GRIK2: variants seen among roughly 807,000 people sequenced by gnomAD.
The protein encoded by GRIK2 is glutamate ionotropic receptor kainate type subunit 2.
Under a neutral mutation model 100.3 loss-of-function variants are expected in GRIK2, and 32 were observed. That is an observed-to-expected ratio of 0.32 (90% CI 0.24 to 0.43). The LOEUF is 0.43. GRIK2 is among the 20% of genes least tolerant of loss of function. GRIK2 has a pLI of 1.00. For synonymous variants in GRIK2, 417 were observed against 389.4 expected, an observed-to-expected ratio of 1.07 and a Z score of -0.83; for missense variants, 843 against 1,114.9, an observed-to-expected ratio of 0.76 and a Z score of 3.47.
At chr6:101,675,273 G>A (rs141878334) in intron 4 of GRIK2, among the ~76,000 whole-genome samples, 50 of 145,426 alleles carry the variant, frequency 3.4e-4, no homozygotes, top group Middle Eastern at 3.4e-3. Flanking sequence ...GTACATGTAC[G>A]CACACGCGCA....
intron 10 of GRIK2, among the ~76,000 whole-genome samples, chr6:101,841,367 T>G (rs1783487689): frequency 7.5e-6 from 1 of 133,318 alleles, no homozygotes; most frequent in South Asian, 2.3e-4. Flanking sequence ...TATCTCAGAA[T>G]GATTTTTTTT....
chr6:102,064,462 C>T (rs1483642050), intron 16 of GRIK2, among the ~76,000 whole-genome samples: 2 of 148,100 alleles, frequency 1.4e-5, no homozygotes, highest in Admixed American at 1.4e-4. Context: ...CTCTCTTTCC[C>T]TCTCTCTCTT....
At chr6:101,582,559 T>C (rs912880817) in intron 2 of GRIK2, among the ~76,000 whole-genome samples, 1 of 152,150 alleles carries the variant, frequency 6.6e-6, no homozygotes, top group African/African-American at 2.4e-5. Flanking sequence ...CTTTTCTTTA[T>C]AAATTATGCA....
intron 10 of GRIK2, among the ~76,000 whole-genome samples, chr6:101,848,117 G>A (rs1402400730): frequency 6.6e-6 from 1 of 152,072 alleles, no homozygotes; most frequent in Non-Finnish European, 1.5e-5. Context: ...TGTATGACCT[G>A]CATCAGGAAT....
chr6:101,606,175 C>T (rs1779429870), intron 2 of GRIK2, among the ~76,000 whole-genome samples: 2 of 151,970 alleles, frequency 1.3e-5, no homozygotes, highest in African/African-American at 4.8e-5. Flanking sequence ...GTACATGACT[C>T]AAACTGGGCT....
chr6:101,463,125 G>A (rs999873170), intron 2 of GRIK2, among the ~76,000 whole-genome samples: 1 of 151,926 alleles, frequency 6.6e-6, no homozygotes, highest in Non-Finnish European at 1.5e-5. Flanking sequence ...GAATTAAGTG[G>A]AGCAATATGA....
intron 14 of GRIK2, among the ~76,000 whole-genome samples, chr6:101,994,408 C>G (rs1456031561): frequency 1.3e-5 from 2 of 151,626 alleles, no homozygotes; most frequent in Non-Finnish European, 3.0e-5. Flanking sequence ...GGTTTTCAAG[C>G]AATAATAGTG....
intron 16 of GRIK2, among the ~76,000 whole-genome samples, chr6:102,059,672 AC>A (rs1258050644): frequency 6.6e-6 from 1 of 150,890 alleles, no homozygotes; most frequent in Admixed American, 6.6e-5. Flanking sequence ...ATTTTTATAA[AC>A]TTTTTATAAC....
chr6:102,062,958 T>C (rs562938258), intron 16 of GRIK2, among the ~76,000 whole-genome samples: 40 of 150,806 alleles, frequency 2.7e-4, no homozygotes, highest in Non-Finnish European at 4.5e-4. Context: ...TCACAGTGAC[T>C]GTTTTGATTT....
chr6:101,519,644 C>G (rs1320860131), intron 2 of GRIK2, among the ~76,000 whole-genome samples: 2 of 151,538 alleles, frequency 1.3e-5, no homozygotes, highest in African/African-American at 4.8e-5. Flanking sequence ...TTTTTTTTCC[C>G]CATTGTACTG....
intron 7 of GRIK2, among the ~76,000 whole-genome samples, chr6:101,697,471 A>T (rs1402490186): frequency 8.3e-6 from 1 of 120,982 alleles, no homozygotes; most frequent in Non-Finnish European, 1.9e-5. Flanking sequence ...AATTACAATG[A>T]TTTAAAATGT....
At chr6:101,963,321 G>T (rs1792430614) in intron 14 of GRIK2, among the ~76,000 whole-genome samples, 2 of 48,092 alleles carry the variant, frequency 4.2e-5, no homozygotes, top group Non-Finnish European at 7.5e-5. Context: ...TTTTTGAGAT[G>T]GAGTCTAGCT....
chr6:101,548,870 C>T (rs199913703), intron 2 of GRIK2, among the ~76,000 whole-genome samples: 2 of 152,244 alleles, frequency 1.3e-5, no homozygotes, highest in East Asian at 3.9e-4. Flanking sequence ...GAAGTATATT[C>T]TCTCCTCATG....
intron 15 of GRIK2, among the ~76,000 whole-genome samples, chr6:102,039,930 T>G (rs1269780897): frequency 2.0e-5 from 3 of 151,580 alleles, no homozygotes; most frequent in African/African-American, 7.2e-5. Context: ...AAGCATTGTA[T>G]GTGGCAGCTG....
chr6:101,561,165 G>T (rs1432269775), intron 2 of GRIK2, among the ~76,000 whole-genome samples: 1 of 152,142 alleles, frequency 6.6e-6, no homozygotes, highest in Non-Finnish European at 1.5e-5. Context: ...CTATGTGTTT[G>T]ATGTTTGAGA....
intron 12 of GRIK2, among the ~76,000 whole-genome samples, chr6:101,923,925 C>CA (rs768844963): frequency 0.11 from 6,680 of 58,682 alleles, 308 homozygotes; most frequent in African/African-American, 0.2. Flanking sequence ...ATTCTGTCTC[C>CA]AAAAAAAAAA....
chr6:101,895,736 C>A (rs1469393277), intron 12 of GRIK2, among the ~76,000 whole-genome samples: 1 of 151,764 alleles, frequency 6.6e-6, no homozygotes, highest in African/African-American at 2.4e-5. Flanking sequence ...TCAATTTTAA[C>A]TTTCCATAAC....
Position 101,859,397 on chromosome 6 carries a change from T to C in GRIK2, c.1428T>C (p.Phe476=), listed in dbSNP as rs755325804. The change falls in exon 11 of 17, where the codon TTT becomes TTC. Residue 476 remains phenylalanine, a synonymous_variant. Transcript: ENST00000369134. ...GAGAGTTATCTACAATCCTTGGCTT[T>C]ACATATGAAATTAGACTTGTGGAAG... ...LLRELSTILG[F]TYEIRLVEDG... is the part of the protein sequence containing the mutation. 2 of 1,604,540 alleles carry C rather than the reference T, an allele frequency of 1.2e-6. No homozygotes were observed. Among genetic ancestry groups the C allele is most frequent in the Non-Finnish European group, 1.7e-6 (2 of 1,171,370 alleles).
intron 10 of GRIK2, among the ~76,000 whole-genome samples, chr6:101,826,099 C>G (rs1180684901): frequency 6.7e-6 from 1 of 148,556 alleles, no homozygotes; most frequent in Non-Finnish European, 1.5e-5. Flanking sequence ...TTCTTAGATT[C>G]CTCAGTCCCT....
Sources: gnomAD v4.1 joint callset for allele counts (sites outside exome capture counted in the v4.1 genomes callset) on GRCh38, gnomAD v4.1.1 for gene constraint, MANE v1.5 for transcripts, NCBI Gene and HGNC (gene_info 2026-07-23, HGNC 2026-07-21) for gene names.